Variants in ZNF99 observed in about 807,000 individuals in gnomAD.
The protein encoded by ZNF99 is zinc finger protein ENSP00000375192.
ZNF99 carries 8 observed loss-of-function variants against 12.8 expected under a neutral mutation model. That is an observed-to-expected ratio of 0.62 (90% CI 0.37 to 1.13). The LOEUF is 1.13. Ranked by LOEUF, ZNF99 falls within the 50% of genes most tolerant of loss-of-function variation. The probability of loss-of-function intolerance (pLI) is 0.02; values close to 1 mark genes in which losing one functional copy is unlikely to be tolerated. For missense variants in ZNF99, 1,007 were observed against 1,006.2 expected (o/e 1.00, Z -0.01); for synonymous variants, 318 against 319.0 (o/e 1.00, Z 0.03).
intron 3 of ZNF99, among the ~76,000 whole-genome samples, chr19:22,759,972 TC>T (rs1973132484): frequency 6.6e-6 from 1 of 152,170 alleles, no homozygotes; most frequent in Non-Finnish European, 1.5e-5. Flanking sequence ...ACTCAGCTCT[TC>T]CTGCTCCCCA....
In ZNF99 at chr19:22,756,221, G is replaced by T. The variant is rs773613310; in HGVS notation, c.*1093C>A. The T allele has an allele frequency of 3.2e-6, 5 of 1,567,182 alleles. No homozygotes were observed. Among genetic ancestry groups the T allele is most frequent in the African/African-American group, 3.0e-5 (2 of 66,158 alleles). On this transcript the variant is annotated 3_prime_UTR_variant, in exon 4 of 4. Transcript: ENST00000596209. The stretch of plus-strand genomic sequence containing the variant: ...TTCACATTTTTAGGGCTTCTCCCCA[G>T]TATGAATTATCTTATGTTTAGTAAG...
Position 22,757,310 on chromosome 19 carries a change from T to C in ZNF99, c.*4A>G, listed in dbSNP as rs1568382344. The C allele has an allele frequency of 1.9e-6, 3 of 1,612,842 alleles. No individual in the cohort carries two copies. In the South Asian group the frequency reaches 3.3e-5, roughly 18 times the overall value. On this transcript the variant is annotated 3_prime_UTR_variant, in exon 4 of 4. Coordinates refer to ENST00000596209, the MANE Select transcript of ZNF99 (RefSeq NM_001080409.3). ...ACATTTGTAGGGTTTCTTTCCAGTA[T>C]GAATTATCTCATGTTTTCTAAGGGC...
In ZNF99 at chr19:22,755,740, A is replaced by G. The variant is rs1599438299; in HGVS notation, c.*1574T>C. 2 of 311,202 alleles carry G rather than the reference A, an allele frequency of 6.4e-6. No individual in the cohort carries two copies. The highest frequency in any genetic ancestry group is 6.8e-5 in the South Asian group (2 of 29,476). The allele number at this position is 311,202 out of a possible 1,614,324, so 19.3% of individuals were successfully genotyped here. On this transcript the variant is annotated 3_prime_UTR_variant, in exon 4 of 4. Transcript: ENST00000596209. ...ACTATGAATTATCTTATGTTCAGTAAGATTTGAGGACTGATTAAAAGCTTT... is the reference window on the plus strand; with the variant it reads ...ACTATGAATTATCTTATGTTCAGTAGGATTTGAGGACTGATTAAAAGCTTT...
intron 2 of ZNF99, 53 bp from the exon 3 acceptor site, chr19:22,768,453 G>T (rs1973229146): frequency 7.5e-6 from 11 of 1,461,682 alleles, no homozygotes; most frequent in Non-Finnish European, 8.4e-6. Context: ...CCCAAATAAT[G>T]TGCTCATTAA....
At chr19:22,764,941 A>C (rs1005132355) in intron 3 of ZNF99, among the ~76,000 whole-genome samples, 2 of 152,218 alleles carry the variant, frequency 1.3e-5, no homozygotes, top group African/African-American at 4.8e-5. Context: ...TTCCTAAAGA[A>C]CTAAAAGTTG....
chr19:22,759,763 T>C, intron 3 of ZNF99, 81 bp from the exon 4 acceptor site: 1 of 1,059,934 alleles, frequency 9.4e-7, no homozygotes, highest in Non-Finnish European at 1.3e-6. Flanking sequence ...TATAAAATTA[T>C]ACAAACCGCT....
At chr19:22,762,778 C>T (rs1599443408) in intron 3 of ZNF99, among the ~76,000 whole-genome samples, 1 of 152,130 alleles carries the variant, frequency 6.6e-6, no homozygotes, top group African/African-American at 2.4e-5. Context: ...ATATCAAAAA[C>T]AGAATCCATG....
intron 1 of ZNF99, among the ~76,000 whole-genome samples, chr19:22,771,849 C>G (rs1973275075): frequency 6.9e-6 from 1 of 144,840 alleles, no homozygotes; most frequent in Non-Finnish European, 1.5e-5. Flanking sequence ...TCCTGAGTAG[C>G]TGGGATTACA....
Position 22,758,466 on chromosome 19 carries a change from G to T in ZNF99, c.1443C>A (p.Tyr481Ter). 6.2e-7 allele frequency: 1 copy of T among 1,613,322 alleles called. No individual in the cohort carries two copies. The highest frequency in any genetic ancestry group is 1.1e-5 in the South Asian group (1 of 91,048). Residue 481 changes from tyrosine to a stop codon, truncating the protein, a stop_gained, in exon 4 of 4, where the codon TAC becomes TAA. Coordinates refer to ENST00000596209, the MANE Select transcript of ZNF99 (RefSeq NM_001080409.3). LOFTEE classifies it low-confidence loss of function (END_TRUNC). ...AAGCTTTACCACATTCTTCACATTTGTAGGGTTTCTCTCCAGTATGAATTA... is the reference window on the plus strand; with the variant it reads ...AAGCTTTACCACATTCTTCACATTTTTAGGGTTTCTCTCCAGTATGAATTA... ...HEIIHTGEKP[Y>*]KCEECGKAFK...
In ZNF99 at chr19:22,764,409, G is replaced by A. The variant is rs372261857; in HGVS notation, c.226+3896C>T. Among the ~76,000 whole-genome samples the A allele has an allele frequency of 1.1e-4, 17 of 152,170 alleles. No individual in the cohort carries two copies. The South Asian group carries it at 1.2e-3, about 11-fold the overall frequency. ...GCTTAGACAAGGATTTCATAATCAA[G>A]AACCCAAAAGCAAATGCAATTAAAA... On this transcript the variant is annotated intron_variant, in intron 3 of 3. Transcript: ENST00000596209.
At position 22,756,253 on chromosome 19, in the gene ZNF99, A is replaced by C; in HGVS notation, c.*1061T>G. On this transcript the variant is annotated 3_prime_UTR_variant, in exon 4 of 4. Transcript: ENST00000596209. ...TTATCTTATGTTTAGTAAGGGCTGA[A>C]AGATGGTTAAAAGCTTTGCCACATT... is the stretch of plus-strand genomic sequence containing the variant. 6.5e-7 allele frequency: 1 copy of C among 1,544,674 alleles called. No individual in the cohort carries two copies. Among genetic ancestry groups the C allele is most frequent in the Non-Finnish European group, 8.7e-7 (1 of 1,148,138 alleles).
In ZNF99 at chr19:22,755,703, GT is replaced by G. The variant is rs1462565367; in HGVS notation, c.*1610del. Reference sequence around the variant, plus strand: ...GCTTTGCCCATTCTTCATATTTGCAGTGTTTGTCTCTACTATGAATTATCTT... The same window carrying G: ...GCTTTGCCCATTCTTCATATTTGCAGGTTTGTCTCTACTATGAATTATCTT... On this transcript the variant is annotated 3_prime_UTR_variant, in exon 4 of 4. Coordinates refer to ENST00000596209, the MANE Select transcript of ZNF99 (RefSeq NM_001080409.3). The G allele has an allele frequency of 6.9e-6, 2 of 291,452 alleles. No homozygotes were observed. The highest frequency in any genetic ancestry group is 4.4e-5 in the African/African-American group (2 of 45,086). The allele number at this position is 291,452 out of a possible 1,614,324, so 18.1% of individuals were successfully genotyped here.
chr19:22,781,526 C>T (rs1193523319), intron 1 of ZNF99, among the ~76,000 whole-genome samples: 1 of 150,306 alleles, frequency 6.7e-6, no homozygotes, highest in African/African-American at 2.4e-5. Context: ...TTAAAGAATG[C>T]AGGGGGCAGA....
At chr19:22,776,542 C>T (rs1973330977) in intron 1 of ZNF99, among the ~76,000 whole-genome samples, 1 of 148,636 alleles carries the variant, frequency 6.7e-6, no homozygotes, top group South Asian at 2.1e-4. Context: ...CATCTCATAT[C>T]AGTCAAAATG....
rs1165182316 is a variant in ZNF99 at position 22,754,209 on chromosome 19, A to T, written c.*3105T>A. The T allele has an allele frequency of 4.5e-6, 2 of 440,942 alleles. No individual in the cohort carries two copies. Among genetic ancestry groups the T allele is most frequent in the Non-Finnish European group, 9.1e-6 (2 of 219,450 alleles). The allele number at this position is 440,942 out of a possible 1,614,324, so 27.3% of individuals were successfully genotyped here. ...TGGTGAAACCCCGTCTCTACTAAAA[A>T]TACAAAAATTAGCTGGGCGTGGTGG... On this transcript the variant is annotated 3_prime_UTR_variant, in exon 4 of 4. Coordinates refer to ENST00000596209, the MANE Select transcript of ZNF99 (RefSeq NM_001080409.3).
rs1311037573 is a variant in ZNF99 at position 22,783,996 on chromosome 19, C to A, written c.3+18G>T. ...CAGCCCCTTCCCCTTCTCAGGATATCGGACCCGGCACTCTCACCATTTCTA... is the reference window on the plus strand; with the variant it reads ...CAGCCCCTTCCCCTTCTCAGGATATAGGACCCGGCACTCTCACCATTTCTA... On this transcript the variant is annotated intron_variant, in intron 1 of 3. Transcript: ENST00000596209. The A allele has an allele frequency of 4.3e-6, 7 of 1,613,872 alleles. No individual in the cohort carries two copies. The South Asian group carries it at 7.7e-5, about 18-fold the overall frequency.
intron 1 of ZNF99, among the ~76,000 whole-genome samples, chr19:22,781,403 C>CTTTTTTTTTTTT (rs35970718): frequency 1.1e-3 from 93 of 87,910 alleles, no homozygotes; most frequent in Non-Finnish European, 1.3e-3. Context: ...ATTGGGGTCA[C>CTTTTTTTTTTTT]TTTTTTTTTT....
intron 3 of ZNF99, among the ~76,000 whole-genome samples, chr19:22,762,119 G>GA (rs149524674): frequency 0.087 from 12,864 of 147,720 alleles, 562 homozygotes; most frequent in South Asian, 0.11. Flanking sequence ...CCCAGAAGAA[G>GA]AAAAAAAAAT....
At chr19:22,776,214 G>A (rs774117608) in intron 1 of ZNF99, among the ~76,000 whole-genome samples, 4 of 151,304 alleles carry the variant, frequency 2.6e-5, no homozygotes, top group Admixed American at 6.6e-5. Context: ...AGCTGGGTGT[G>A]GTGGCAGGCG....
Sources: allele counts gnomAD v4.1 joint callset (sites outside exome capture counted in the v4.1 genomes callset), GRCh38; gene constraint gnomAD v4.1.1; transcripts MANE v1.5; gene names NCBI Gene and HGNC (gene_info 2026-07-23, HGNC 2026-07-21).